The following PLD1 variants were observed in gnomAD, a reference collection of about 807,000 sequenced individuals.
PLD1 encodes choline phosphatase 1.
A neutral mutation model predicts 137.1 loss-of-function variants in PLD1; 112 were observed. The observed-to-expected ratio is 0.82, with a 90% CI of 0.70 to 0.96. The LOEUF is 0.96. Among genes scored for constraint, PLD1 ranks in the 40% least tolerant of loss-of-function variants. The pLI is 0.00. For synonymous variants in PLD1, 431 were observed against 454.7 expected, an observed-to-expected ratio of 0.95 and a Z score of 0.66; for missense variants, 1,321 against 1,342.0, an observed-to-expected ratio of 0.98 and a Z score of 0.24.
At chr3:171,753,309 A>C (rs917175794) in intron 1 of PLD1, among the ~76,000 whole-genome samples, 1 of 152,252 alleles carries the variant, frequency 6.6e-6, no homozygotes, top group Non-Finnish European at 1.5e-5. Context: ...GGTCAGAAGC[A>C]CATGGGTTGC....
chr3:171,745,290 G>A (rs747667314), intron 1 of PLD1, among the ~76,000 whole-genome samples: 16 of 152,176 alleles, frequency 1.1e-4, no homozygotes, highest in Non-Finnish European at 1.9e-4. Flanking sequence ...CACGTTACAG[G>A]TATTACTTCC....
chr3:171,763,352 G>A (rs1202564625), intron 1 of PLD1, among the ~76,000 whole-genome samples: 1 of 150,818 alleles, frequency 6.6e-6, no homozygotes, highest in Non-Finnish European at 1.5e-5. Context: ...GAGCCCAGGA[G>A]GTCAAGGCTG....
chr3:171,682,144 GAAAGAAAGAAAGAAAGAAAGAA>G (rs572262018), intron 16 of PLD1, among the ~76,000 whole-genome samples: 9,142 of 99,238 alleles, frequency 0.092, 572 homozygotes, highest in African/African-American at 0.16. Context: ...AAGAAAGAAA[GAAAGAAAGAAAGAAAGAAAGAA>G]AAAGAAAGAA....
chr3:171,650,256 C>A (rs538667807), intron 21 of PLD1, among the ~76,000 whole-genome samples: 1 of 152,134 alleles, frequency 6.6e-6, no homozygotes, highest in Non-Finnish European at 1.5e-5. Flanking sequence ...ACAGGATAGA[C>A]CCCACTCTCT....
At chr3:171,667,326 G>A (rs1712252681) in intron 19 of PLD1, among the ~76,000 whole-genome samples, 2 of 152,158 alleles carry the variant, frequency 1.3e-5, no homozygotes, top group Admixed American at 1.3e-4. Flanking sequence ...TCAAGAACCT[G>A]TCTCATCTTA....
intron 1 of PLD1, among the ~76,000 whole-genome samples, chr3:171,805,551 T>C (rs1723810087): frequency 1.3e-5 from 2 of 152,168 alleles, no homozygotes. Context: ...AGTTAAGGCC[T>C]GGCCCAGCAG....
intron 26 of PLD1, among the ~76,000 whole-genome samples, chr3:171,603,852 T>C (rs994510417): frequency 3.3e-5 from 5 of 152,328 alleles, no homozygotes; most frequent in Middle Eastern, 3.4e-3. Context: ...AAATTAATTA[T>C]ATAATGTCAT....
At chr3:171,648,611 G>A (rs1217381393) in intron 21 of PLD1, among the ~76,000 whole-genome samples, 6 of 150,550 alleles carry the variant, frequency 4.0e-5, no homozygotes, top group Admixed American at 4.0e-4. Flanking sequence ...CTGGAGTGCC[G>A]TGGTGCGATC....
intron 1 of PLD1, among the ~76,000 whole-genome samples, chr3:171,742,681 T>A (rs1719870359): frequency 6.6e-6 from 1 of 152,194 alleles, no homozygotes; most frequent in Admixed American, 6.5e-5. Context: ...AAAGGATCCA[T>A]AATATATAAC....
chr3:171,738,167 C>T (rs1424927205), intron 1 of PLD1, 85 bp from the exon 2 acceptor site: 1 of 756,662 alleles, frequency 1.3e-6, no homozygotes, highest in Non-Finnish European at 2.1e-6. Flanking sequence ...GACTTAGATA[C>T]AGCATATGGA....
At chr3:171,656,280 C>T (rs942378642) in intron 21 of PLD1, among the ~76,000 whole-genome samples, 2 of 152,078 alleles carry the variant, frequency 1.3e-5, no homozygotes, top group Non-Finnish European at 2.9e-5. Context: ...AAGCAGTTCT[C>T]CTACCGCAGC....
chr3:171,750,837 C>T (rs1022717512), intron 1 of PLD1, among the ~76,000 whole-genome samples: 2 of 152,058 alleles, frequency 1.3e-5, no homozygotes, highest in African/African-American at 4.8e-5. Flanking sequence ...TCTTACAGAA[C>T]CTGACAATAT....
intron 23 of PLD1, among the ~76,000 whole-genome samples, chr3:171,624,983 T>C (rs1347705639): frequency 6.6e-6 from 1 of 152,116 alleles, no homozygotes; most frequent in Non-Finnish European, 1.5e-5. Context: ...GAATGGCATT[T>C]ATTTAAATAT....
chr3:171,803,644 A>G (rs1723734616), intron 1 of PLD1, among the ~76,000 whole-genome samples: 1 of 152,150 alleles, frequency 6.6e-6, no homozygotes, highest in Non-Finnish European at 1.5e-5. Flanking sequence ...GAGGCAGGAG[A>G]ATCGCTTGGA....
intron 6 of PLD1, among the ~76,000 whole-genome samples, chr3:171,729,467 T>C (rs1177733172): frequency 6.6e-6 from 1 of 152,172 alleles, no homozygotes; most frequent in African/African-American, 2.4e-5. Flanking sequence ...CACTGCCCCT[T>C]CCACCCATCC....
Position 171,724,714 on chromosome 3 carries a change from C to T in PLD1, c.740G>A (p.Cys247Tyr). 3.7e-6 allele frequency: 6 copies of T among 1,605,358 alleles called. No homozygotes were observed. The highest frequency in any genetic ancestry group is 4.3e-6 in the Non-Finnish European group (5 of 1,172,454). ...GLNCCGQGRA[C>Y]YRWSKRWLIV... is the part of the protein sequence containing the mutation. ...TTCCTACCTTTTTGACCATCTGTAGCAGGCTCTTCCCTGACCACAGCAATT... is the reference window on the plus strand; with the variant it reads ...TTCCTACCTTTTTGACCATCTGTAGTAGGCTCTTCCCTGACCACAGCAATT... Residue 247 changes from cysteine to tyrosine, a missense_variant, in exon 8 of 27, where the codon TGC (cysteine) becomes TAC (tyrosine). Cys to Tyr is a radical substitution (Grantham distance 194, BLOSUM62 -2). Coordinates refer to ENST00000351298, the MANE Select transcript of PLD1 (RefSeq NM_002662.5).
Position 171,662,094 on chromosome 3 carries a change from A to G in PLD1, c.2306T>C (p.Val769Ala). The G allele has an allele frequency of 6.2e-7, 1 of 1,612,206 alleles. No individual in the cohort carries two copies. The highest frequency in any genetic ancestry group is 8.5e-7 in the Non-Finnish European group (1 of 1,178,222). Residue 769 changes from valine (V) to alanine (A), a missense_variant, in exon 20 of 27, where the codon GTG becomes GCG. Val to Ala is a moderately conservative substitution (Grantham distance 64, BLOSUM62 0). Transcript: ENST00000351298. ...GATATAGTGCCTGCTGTTCTCTATC[A>G]CATGGACGTAAGCGGCGTGGATGGA... The part of the protein sequence containing the change: ...EESIHAAYVH[V>A]IENSRHYIYI...
At chr3:171,651,547 C>T (rs974532520) in intron 21 of PLD1, among the ~76,000 whole-genome samples, 5 of 152,048 alleles carry the variant, frequency 3.3e-5, no homozygotes, top group Admixed American at 1.3e-4. Flanking sequence ...AAATGCTGGC[C>T]CTATTTAGCA....
intron 21 of PLD1, among the ~76,000 whole-genome samples, chr3:171,646,255 C>A (rs1448414476): frequency 6.6e-6 from 1 of 152,204 alleles, no homozygotes; most frequent in African/African-American, 2.4e-5. Flanking sequence ...TATATTCACA[C>A]AAAGGTGTTG....
Sources: allele counts gnomAD v4.1 joint callset (sites outside exome capture counted in the v4.1 genomes callset), GRCh38; gene constraint gnomAD v4.1.1; transcripts MANE v1.5; gene names NCBI Gene and HGNC (gene_info 2026-07-23, HGNC 2026-07-21).